DLG2: variants seen among roughly 807,000 people sequenced by gnomAD.
DLG2 encodes the protein disks large homolog 2.
In DLG2, 45 loss-of-function variants were observed where a neutral mutation model predicts 132.5. The ratio of observed to expected loss-of-function variants is 0.34; its 90% CI spans 0.27 to 0.44. DLG2 has a LOEUF of 0.44. Ranked by LOEUF, DLG2 falls within the 20% of genes least tolerant of loss-of-function variation. DLG2 has a pLI of 1.00. For synonymous variants in DLG2, 424 were observed against 419.6 expected (o/e 1.01, Z -0.13); for missense variants, 1,045 against 1,196.9 (o/e 0.87, Z 1.87).
At chr11:84,738,360 G>C (rs2064141818) in intron 6 of DLG2, among the ~76,000 whole-genome samples, 2 of 151,616 alleles carry the variant, frequency 1.3e-5, no homozygotes, top group African/African-American at 2.4e-5. Flanking sequence ...GGCCTTAGTT[G>C]GTGCCAGAGA....
intron 16 of DLG2, among the ~76,000 whole-genome samples, chr11:83,867,756 G>A (rs2062668355): frequency 6.6e-6 from 1 of 152,138 alleles, no homozygotes; most frequent in African/African-American, 2.4e-5. Context: ...CAGAAATCCA[G>A]TCCCTGTGAG....
intron 6 of DLG2, among the ~76,000 whole-genome samples, chr11:85,094,596 C>G (rs2069411244): frequency 6.6e-6 from 1 of 152,212 alleles, no homozygotes; most frequent in Admixed American, 6.5e-5. Flanking sequence ...GAAGCAACAT[C>G]TGCTAGCTTG....
chr11:84,619,376 A>T (rs1235388410), intron 6 of DLG2, among the ~76,000 whole-genome samples: 3 of 151,988 alleles, frequency 2.0e-5, no homozygotes, highest in South Asian at 2.1e-4. Context: ...GTATAAATGT[A>T]TTGTAATTTA....
intron 6 of DLG2, among the ~76,000 whole-genome samples, chr11:84,582,253 G>A (rs2099518272): frequency 1.3e-5 from 2 of 151,132 alleles, no homozygotes; most frequent in Admixed American, 6.6e-5. Flanking sequence ...AGTTTATCAG[G>A]GACTTGAATT....
chr11:83,598,663 C>T (rs656537), intron 19 of DLG2, among the ~76,000 whole-genome samples: 75,291 of 152,006 alleles, frequency 0.5, 19,612 homozygotes, highest in African/African-American at 0.65. Flanking sequence ...TTTAGATCTT[C>T]ATATACACTA....
intron 3 of DLG2, among the ~76,000 whole-genome samples, chr11:85,478,512 T>C (rs1272817240): frequency 2.6e-5 from 4 of 152,232 alleles, no homozygotes; most frequent in Non-Finnish European, 5.9e-5. Context: ...CAATTATCTT[T>C]GCTTTATCTA....
At chr11:84,290,119 G>C (rs1466175635) in intron 7 of DLG2, among the ~76,000 whole-genome samples, 1 of 152,096 alleles carries the variant, frequency 6.6e-6, no homozygotes, top group African/African-American at 2.4e-5. Flanking sequence ...TGTCAACTCA[G>C]ATCATGGTCT....
At chr11:84,745,861 A>T (rs1426657555) in intron 6 of DLG2, among the ~76,000 whole-genome samples, 2 of 152,236 alleles carry the variant, frequency 1.3e-5, no homozygotes, top group African/African-American at 4.8e-5. Flanking sequence ...CATTTAATAA[A>T]TATTCCCATT....
At chr11:85,271,294 G>T (rs2077513304) in intron 4 of DLG2, among the ~76,000 whole-genome samples, 1 of 152,234 alleles carries the variant, frequency 6.6e-6, no homozygotes, top group Non-Finnish European at 1.5e-5. Context: ...TTGAGGTTTG[G>T]AAACCTCCGC....
intron 4 of DLG2, among the ~76,000 whole-genome samples, chr11:85,276,235 GA>G (rs2077883870): frequency 6.6e-6 from 1 of 152,092 alleles, no homozygotes; most frequent in Non-Finnish European, 1.5e-5. Context: ...CTCTGCGGGA[GA>G]AAAAAACTTT....
At chr11:83,817,064 A>G (rs1044128883) in intron 17 of DLG2, among the ~76,000 whole-genome samples, 4 of 152,292 alleles carry the variant, frequency 2.6e-5, no homozygotes, top group East Asian at 1.9e-4. Flanking sequence ...AGCTTCATTC[A>G]TTCATTATAT....
At chr11:85,064,664 A>G (rs1012951774) in intron 6 of DLG2, among the ~76,000 whole-genome samples, 1 of 151,754 alleles carries the variant, frequency 6.6e-6, no homozygotes, top group African/African-American at 2.4e-5. Context: ...TTGGTCAAAC[A>G]CTATTTGAGA....
chr11:85,216,418 T>G (rs1290145276), intron 4 of DLG2, among the ~76,000 whole-genome samples: 1 of 152,234 alleles, frequency 6.6e-6, no homozygotes, highest in East Asian at 1.9e-4. Context: ...CATTAATTTA[T>G]CTTTTGTGTT....
intron 19 of DLG2, among the ~76,000 whole-genome samples, chr11:83,582,237 T>G (rs1208450486): frequency 6.6e-6 from 1 of 152,146 alleles, no homozygotes; most frequent in South Asian, 2.1e-4. Flanking sequence ...ATTATAGGCA[T>G]GAGCCACCTC....
chr11:84,737,923 T>C (rs1478590738), intron 6 of DLG2, among the ~76,000 whole-genome samples: 1 of 152,038 alleles, frequency 6.6e-6, no homozygotes, highest in South Asian at 2.1e-4. Context: ...AAAAGTAATA[T>C]AGTGTTTGTG....
At chr11:84,689,688 T>C (rs2057792816) in intron 6 of DLG2, among the ~76,000 whole-genome samples, 1 of 152,106 alleles carries the variant, frequency 6.6e-6, no homozygotes. Flanking sequence ...TACGTCATTT[T>C]GCTCATCATT....
At chr11:85,143,964 G>A (rs2076669939) in intron 5 of DLG2, among the ~76,000 whole-genome samples, 3 of 151,838 alleles carry the variant, frequency 2.0e-5, no homozygotes, top group Admixed American at 6.6e-5. Flanking sequence ...TGTAGATTAA[G>A]TCTGATGTTT....
chr11:83,916,646 C>T (rs747847089), intron 15 of DLG2, among the ~76,000 whole-genome samples: 3 of 152,120 alleles, frequency 2.0e-5, no homozygotes, highest in Non-Finnish European at 4.4e-5. Context: ...AAAACTTAAA[C>T]ATGCTTACAG....
intron 16 of DLG2, among the ~76,000 whole-genome samples, chr11:83,843,558 C>T (rs773336687): frequency 3.3e-5 from 5 of 151,790 alleles, no homozygotes; most frequent in African/African-American, 4.8e-5. Flanking sequence ...ATTTTGGAAG[C>T]GGGTACAGGC....
Sources: gnomAD v4.1 joint callset for allele counts (sites outside exome capture counted in the v4.1 genomes callset) on GRCh38, gnomAD v4.1.1 for gene constraint, MANE v1.5 for transcripts, NCBI Gene and HGNC (gene_info 2026-07-23, HGNC 2026-07-21) for gene names.